THADA: variants seen among roughly 807,000 people sequenced by gnomAD.
THADA encodes tRNA (32-2'-O)-methyltransferase regulator THADA.
THADA carries 213 observed loss-of-function variants against 219.8 expected under a neutral mutation model. The observed-to-expected ratio is 0.97, with a 90% confidence interval of 0.87 to 1.09. THADA has a LOEUF of 1.09. THADA is among the 50% of genes least tolerant of loss of function. The pLI is 0.00. For synonymous variants in THADA, 1,018 were observed against 828.9 expected (o/e 1.23, Z -3.92); for missense variants, 2,956 against 2,311.3 (o/e 1.28, Z -5.72).
intron 25 of THADA, among the ~76,000 whole-genome samples, chr2:43,488,613 G>C (rs969837294): frequency 6.6e-6 from 1 of 152,014 alleles, no homozygotes; most frequent in Non-Finnish European, 1.5e-5. Flanking sequence ...TTCCAATTTG[G>C]AATATTATGA....
At chr2:43,335,592 G>T (rs1482269638) in intron 30 of THADA, among the ~76,000 whole-genome samples, 1 of 152,088 alleles carries the variant, frequency 6.6e-6, no homozygotes, top group East Asian at 1.9e-4. Flanking sequence ...ATATGGCCTG[G>T]CATACAGCAG....
At chr2:43,479,263 A>T (rs1208971766) in intron 26 of THADA, among the ~76,000 whole-genome samples, 1 of 152,164 alleles carries the variant, frequency 6.6e-6, no homozygotes, top group African/African-American at 2.4e-5. Context: ...CTGATTTTTT[A>T]AAATGTTTTA....
chr2:43,271,071 C>A (rs1349976985), intron 36 of THADA, among the ~76,000 whole-genome samples: 1 of 152,184 alleles, frequency 6.6e-6, no homozygotes, highest in Non-Finnish European at 1.5e-5. Flanking sequence ...CAGATCGATT[C>A]ATGTAGCCTT....
chr2:43,275,582 G>A (rs1672639504), intron 36 of THADA, among the ~76,000 whole-genome samples: 1 of 152,158 alleles, frequency 6.6e-6, no homozygotes, highest in Non-Finnish European at 1.5e-5. Context: ...CCATCCTGGA[G>A]TCCTTCGGTC....
In THADA at chr2:43,590,930, C is replaced by G. The variant is rs1348058200; in HGVS notation, c.196G>C (p.Asp66His). The change falls in exon 4 of 38, where the codon GAT becomes CAT. Residue 66 changes from aspartate to histidine, a missense_variant. By Grantham distance (81) the Asp-to-His change is moderately conservative. Transcript: ENST00000405975. ...KQIVPLLEKA[D>H]KNGMCDPTIQ... ...GTGGGATCACACATGCCATTTTTAT[C>G]TGCTTTCTCCAGCAGAGGCACAATC... 5.0e-6 allele frequency: 8 copies of G among 1,613,512 alleles called. No individual in the cohort carries two copies. Among genetic ancestry groups the G allele is most frequent in the Non-Finnish European group, 6.8e-6 (8 of 1,179,644 alleles).
At chr2:43,447,314 C>G (rs777401119) in intron 26 of THADA, among the ~76,000 whole-genome samples, 1 of 152,106 alleles carries the variant, frequency 6.6e-6, no homozygotes, top group Non-Finnish European at 1.5e-5. Context: ...CAAACCATAT[C>G]TATATTACTC....
chr2:43,254,504 T>C (rs1050567098), intron 36 of THADA, among the ~76,000 whole-genome samples: 1 of 152,056 alleles, frequency 6.6e-6, no homozygotes, highest in African/African-American at 2.4e-5. Context: ...CAAAGGTCGT[T>C]TGTGTCATCC....
At chr2:43,512,791 C>T (rs1453150209) in intron 22 of THADA, among the ~76,000 whole-genome samples, 2 of 152,212 alleles carry the variant, frequency 1.3e-5, no homozygotes, top group African/African-American at 2.4e-5. Flanking sequence ...CGTGAGCCAC[C>T]GCACCCGGCC....
At chr2:43,290,133 C>T (rs146894874) in intron 34 of THADA, among the ~76,000 whole-genome samples, 4 of 151,786 alleles carry the variant, frequency 2.6e-5, no homozygotes, top group Admixed American at 6.6e-5. Context: ...CCACCACACC[C>T]GTCTAATTTT....
intron 7 of THADA, among the ~76,000 whole-genome samples, chr2:43,583,150 C>T (rs1216237034): frequency 6.6e-6 from 1 of 152,166 alleles, no homozygotes; most frequent in East Asian, 1.9e-4. Context: ...GTATATCTAA[C>T]TTCCTGATAT....
At chr2:43,572,196 G>C (rs1186592418) in intron 12 of THADA, among the ~76,000 whole-genome samples, 3 of 152,030 alleles carry the variant, frequency 2.0e-5, no homozygotes, top group African/African-American at 7.3e-5. Flanking sequence ...ACTTCTAACT[G>C]GTTTCCTGGT....
chr2:43,397,042 G>A (rs1008173845), intron 29 of THADA, among the ~76,000 whole-genome samples: 1 of 152,102 alleles, frequency 6.6e-6, no homozygotes, highest in African/African-American at 2.4e-5. Context: ...TGAGGTATAT[G>A]CTACTATTAT....
intron 26 of THADA, among the ~76,000 whole-genome samples, chr2:43,473,924 T>C (rs971407724): frequency 6.6e-6 from 1 of 152,150 alleles, no homozygotes; most frequent in Admixed American, 6.5e-5. Flanking sequence ...TTGACTTTTA[T>C]ACAACTGACA....
At chr2:43,231,592 A>G (rs1170704356) in intron 37 of THADA, among the ~76,000 whole-genome samples, 1 of 152,200 alleles carries the variant, frequency 6.6e-6, no homozygotes, top group African/African-American at 2.4e-5. Flanking sequence ...GACCTTGGAT[A>G]AAGATGTGTT....
At chr2:43,282,520 C>G (rs1247277824) in intron 35 of THADA, among the ~76,000 whole-genome samples, 1 of 152,124 alleles carries the variant, frequency 6.6e-6, no homozygotes, top group Non-Finnish European at 1.5e-5. Flanking sequence ...TCCTTGGAGG[C>G]AGTGACCATG....
chr2:43,428,512 G>A (rs1678803053), intron 27 of THADA, among the ~76,000 whole-genome samples: 1 of 152,156 alleles, frequency 6.6e-6, no homozygotes, highest in Non-Finnish European at 1.5e-5. Context: ...GGCTGAGGTG[G>A]GAGAATCACT....
At chr2:43,391,375 G>A (rs942705405) in intron 29 of THADA, among the ~76,000 whole-genome samples, 10 of 152,112 alleles carry the variant, frequency 6.6e-5, no homozygotes, top group African/African-American at 1.9e-4. Context: ...ACCACACAGT[G>A]CAGTACAGTC....
Position 43,357,701 on chromosome 2 carries a change from A to T in THADA, c.4228-13464T>A, listed in dbSNP as rs1336663213. Reference sequence around the variant, plus strand: ...TGTACAGCCAAACTGTACAGTCATTATAAAGAAGTTGTAGATTTATATAGA... The same window carrying T: ...TGTACAGCCAAACTGTACAGTCATTTTAAAGAAGTTGTAGATTTATATAGA... On this transcript the variant is annotated intron_variant, in intron 29 of 37. Transcript: ENST00000405975. 2.0e-5 allele frequency among the ~76,000 whole-genome samples: 3 copies of T among 152,338 alleles called. No individual in the cohort carries two copies. The East Asian group carries it at 5.8e-4, about 29-fold the overall frequency.
Position 43,429,455 on chromosome 2 carries a change from G to A in THADA, c.3926+758C>T, listed in dbSNP as rs532810815. The stretch of plus-strand genomic sequence containing the variant: ...TGAACTATAAGACTGGAAAGCCCTC[G>A]TAATGGCTTTGCTCTGTGTTTCCAA... On this transcript the variant is annotated intron_variant, in intron 27 of 37. Coordinates refer to ENST00000405975, the MANE Select transcript of THADA (RefSeq NM_022065.5). Among the ~76,000 whole-genome samples the A allele has an allele frequency of 3.9e-5, 6 of 152,180 alleles. No individual in the cohort carries two copies. The East Asian group carries it at 7.7e-4, about 20-fold the overall frequency.
Sources: allele counts gnomAD v4.1 joint callset (sites outside exome capture counted in the v4.1 genomes callset), GRCh38; gene constraint gnomAD v4.1.1; transcripts MANE v1.5; gene names NCBI Gene and HGNC (gene_info 2026-07-23, HGNC 2026-07-21).